Variants in PDS5A observed in about 807,000 individuals in gnomAD.
The protein encoded by PDS5A is sister chromatid cohesion protein PDS5 homolog A.
PDS5A carries 42 observed loss-of-function variants against 167.1 expected under a neutral mutation model. The observed-to-expected ratio is 0.25, with a 90% CI of 0.20 to 0.33. The LOEUF (loss-of-function observed/expected upper bound fraction) is 0.33, where lower values mean the gene tolerates loss of function less well. PDS5A is among the 10% of genes least tolerant of loss of function. The pLI, the probability that PDS5A is intolerant of heterozygous loss-of-function variation, is 1.00. For synonymous variants in PDS5A, 553 were observed against 554.6 expected, an observed-to-expected ratio of 1.00 and a Z score of 0.04; for missense variants, 1,033 against 1,605.9, an observed-to-expected ratio of 0.64 and a Z score of 6.10.
At chr4:39,840,872 G>C (rs942031471) in intron 31 of PDS5A, among the ~76,000 whole-genome samples, 1 of 151,202 alleles carries the variant, frequency 6.6e-6, no homozygotes, top group Non-Finnish European at 1.5e-5. Context: ...CTCCTGTCTC[G>C]ACCTCTTGAG....
At chr4:39,877,854 G>C (rs1720594656) in intron 18 of PDS5A, among the ~76,000 whole-genome samples, 1 of 152,078 alleles carries the variant, frequency 6.6e-6, no homozygotes, top group South Asian at 2.1e-4. Flanking sequence ...AGATCTTCCT[G>C]TCTTGGCTGG....
At chr4:39,944,178 C>CAAAAAAAA (rs60344531) in intron 2 of PDS5A, among the ~76,000 whole-genome samples, 1 of 88,220 alleles carries the variant, frequency 1.1e-5, no homozygotes, top group African/African-American at 4.5e-5. Flanking sequence ...GACTCCGTCT[C>CAAAAAAAA]AAAAAAAAAA....
chr4:39,854,358 T>C (rs1718361946), intron 26 of PDS5A, among the ~76,000 whole-genome samples: 1 of 152,176 alleles, frequency 6.6e-6, no homozygotes, highest in African/African-American at 2.4e-5. Flanking sequence ...TCCCATTGTT[T>C]TGAAGAATAA....
intron 23 of PDS5A, 114 bp downstream of exon 23, chr4:39,866,747 C>T: frequency 1.2e-6 from 1 of 849,966 alleles, no homozygotes; most frequent in Non-Finnish European, 1.8e-6. Flanking sequence ...TAAGATCTGA[C>T]CCTGAAGATC....
At chr4:39,880,235 G>C (rs565504986) in intron 17 of PDS5A, among the ~76,000 whole-genome samples, 156 of 152,176 alleles carry the variant, frequency 1.0e-3, no homozygotes, top group Non-Finnish European at 1.7e-3. Context: ...ATGGACAAAT[G>C]AATTAATCAC....
chr4:39,824,591 T>C lies in PDS5A; in HGVS notation c.*894A>G. 6.6e-6 allele frequency: 1 copy of C among 152,642 alleles called. No individual in the cohort carries two copies. 9.5% of individuals were successfully genotyped at this position (152,642 alleles called of 1,614,324 possible). On this transcript the variant is annotated 3_prime_UTR_variant, in exon 33 of 33. Coordinates refer to ENST00000303538, the MANE Select transcript of PDS5A (RefSeq NM_001100399.2). ...TCCAACTATTTTTTAAAAATTGATT[T>C]TTTTTACATTAATAAAAATCTGGTG...
chr4:39,946,077 G>A (rs1001742287), intron 2 of PDS5A, among the ~76,000 whole-genome samples: 9 of 151,934 alleles, frequency 5.9e-5, no homozygotes, highest in African/African-American at 1.9e-4. Context: ...CATGGTGGCA[G>A]GTGTCTGTAA....
chr4:39,976,592 T>G lies in PDS5A; in HGVS notation c.-15A>C, dbSNP rs756823206. ...GTGAAGTCCATCCTGGGGGACAACT[T>G]TTGGTTCACAGTCCTCTACCGGCCT... is the stretch of plus-strand genomic sequence containing the variant. On this transcript the variant is annotated 5_prime_UTR_variant, in exon 2 of 33. Transcript: ENST00000303538. 8 of 1,606,052 alleles carry G rather than the reference T, an allele frequency of 5.0e-6. No individual in the cohort carries two copies. Among genetic ancestry groups the G allele is most frequent in the African/African-American group, 1.3e-5 (1 of 74,792 alleles).
chr4:39,943,440 C>T (rs1189972649), intron 2 of PDS5A, among the ~76,000 whole-genome samples: 1 of 151,754 alleles, frequency 6.6e-6, no homozygotes. Flanking sequence ...AAATTAGATG[C>T]CACACATTTT....
In PDS5A at chr4:39,922,756, A is replaced by T; in HGVS notation, c.528-8T>A. The stretch of plus-strand genomic sequence containing the variant: ...TTCTTATTGTGGCTATTGCTATAAA[A>T]AAAAAAAAAAAAGAATAAGTAGTAG... On this transcript the variant is annotated splice_polypyrimidine_tract_variant and splice_region_variant and intron_variant, in intron 5 of 32. Coordinates refer to ENST00000303538, the MANE Select transcript of PDS5A (RefSeq NM_001100399.2). 3 of 1,450,140 alleles carry T rather than the reference A, an allele frequency of 2.1e-6. No individual in the cohort carries two copies. The highest frequency in any genetic ancestry group is 1.5e-5 in the South Asian group (1 of 66,944). 89.8% of individuals were successfully genotyped at this position (1,450,140 alleles called of 1,614,324 possible). A position where few individuals can be genotyped will look rare whatever the true frequency, so the allele number is the denominator to read the frequency against.
intron 26 of PDS5A, among the ~76,000 whole-genome samples, chr4:39,855,288 G>A (rs1018633128): frequency 1.3e-5 from 2 of 152,144 alleles, no homozygotes; most frequent in Non-Finnish European, 2.9e-5. Flanking sequence ...ACAAAACAAG[G>A]AATACAGACT....
At chr4:39,949,229 G>A (rs1728085018) in intron 2 of PDS5A, among the ~76,000 whole-genome samples, 2 of 150,336 alleles carry the variant, frequency 1.3e-5, no homozygotes, top group South Asian at 4.2e-4. Flanking sequence ...TTGAATGCGG[G>A]AGGTCGAGGC....
At chr4:39,943,399 T>C (rs985732861) in intron 2 of PDS5A, among the ~76,000 whole-genome samples, 2 of 152,240 alleles carry the variant, frequency 1.3e-5, no homozygotes, top group South Asian at 2.1e-4. Flanking sequence ...GACAAGGTTA[T>C]TATTTCATAC....
intron 11 of PDS5A, among the ~76,000 whole-genome samples, chr4:39,906,970 C>T (rs1168105768): frequency 7.2e-6 from 1 of 139,490 alleles, no homozygotes; most frequent in Non-Finnish European, 1.5e-5. Context: ...AAGATGAAAT[C>T]CTGTTCCCAA....
chr4:39,899,216 C>CT (rs1216855678), intron 14 of PDS5A, among the ~76,000 whole-genome samples: 1 of 151,984 alleles, frequency 6.6e-6, no homozygotes, highest in Non-Finnish European at 1.5e-5. Flanking sequence ...AGAGAAGAAA[C>CT]TTTTTTTTCT....
chr4:39,860,238 TG>T (rs1431727935), intron 26 of PDS5A, among the ~76,000 whole-genome samples: 2 of 151,272 alleles, frequency 1.3e-5, no homozygotes, highest in Non-Finnish European at 3.0e-5. Context: ...CCCAGGCGGG[TG>T]GATCACTTGA....
At position 39,869,377 on chromosome 4, in the gene PDS5A, G is replaced by C. The variant is rs1446332470; in HGVS notation, c.2505+17C>G. The C allele has an allele frequency of 6.9e-7, 1 of 1,449,424 alleles. No individual in the cohort carries two copies. The allele number at this position is 1,449,424 out of a possible 1,614,324, so 89.8% of individuals were successfully genotyped here. Reference sequence around the variant, plus strand: ...CTTTTTTAAACATGAAGATTATCAAGGCCTAAACAAATTTACCTTTGCTAG... The same window carrying C: ...CTTTTTTAAACATGAAGATTATCAACGCCTAAACAAATTTACCTTTGCTAG... On this transcript the variant is annotated intron_variant, in intron 22 of 32. Transcript: ENST00000303538.
chr4:39,966,694 G>A (rs1305452439), intron 2 of PDS5A, among the ~76,000 whole-genome samples: 1 of 152,088 alleles, frequency 6.6e-6, no homozygotes, highest in East Asian at 1.9e-4. Context: ...AGTTAAGAGA[G>A]GAATATAAGA....
At chr4:39,866,761 G>A (rs1719491566) in intron 23 of PDS5A, 100 bp downstream of exon 23, 5 of 976,334 alleles carry the variant, frequency 5.1e-6, no homozygotes, top group Non-Finnish European at 7.5e-6. Context: ...GAAGATCATG[G>A]TGTAATTACA....
Sources: allele counts gnomAD v4.1 joint callset (sites outside exome capture counted in the v4.1 genomes callset), GRCh38; gene constraint gnomAD v4.1.1; transcripts MANE v1.5; gene names NCBI Gene and HGNC (gene_info 2026-07-23, HGNC 2026-07-21).